Variants in SPAG16 observed in about 807,000 individuals in gnomAD.
SPAG16 encodes the protein sperm-associated antigen 16 protein.
In SPAG16, 86 loss-of-function variants were observed where a neutral mutation model predicts 80.4. The observed-to-expected ratio is 1.07, with a 90% confidence interval of 0.90 to 1.28. The LOEUF (loss-of-function observed/expected upper bound fraction) is 1.28, where lower values mean the gene tolerates loss of function less well. SPAG16 is among the 50% of genes most tolerant of loss of function. The probability of loss-of-function intolerance (pLI) is 0.00; values close to 1 mark genes in which losing one functional copy is unlikely to be tolerated. For missense variants in SPAG16, 870 were observed against 765.3 expected, an observed-to-expected ratio of 1.14 and a Z score of -1.61; for synonymous variants, 294 against 265.9, an observed-to-expected ratio of 1.11 and a Z score of -1.03.
At chr2:213,429,794 C>G (rs763975940) in intron 9 of SPAG16, among the ~76,000 whole-genome samples, 3 of 152,126 alleles carry the variant, frequency 2.0e-5, no homozygotes, top group Admixed American at 6.6e-5. Flanking sequence ...CCAAATGGCT[C>G]TACTCAGTAT....
chr2:213,351,066 C>T lies in SPAG16; in HGVS notation c.762+421C>T, dbSNP rs142706755. Among the ~76,000 whole-genome samples the T allele has an allele frequency of 5.5e-4, 84 of 152,140 alleles. 2 individuals carry two copies. In the East Asian group the frequency reaches 0.013, roughly 23 times the overall value. On this transcript the variant is annotated intron_variant, in intron 7 of 15. Transcript: ENST00000331683. Reference sequence around the variant, plus strand: ...CTGAGGCATGAGAATCATTTGAACCCGGGAGTGGAGGTTGCAGTGAGCCGA... The same window carrying T: ...CTGAGGCATGAGAATCATTTGAACCTGGGAGTGGAGGTTGCAGTGAGCCGA...
chr2:213,762,945 A>G (rs747253518), intron 10 of SPAG16, among the ~76,000 whole-genome samples: 1 of 152,206 alleles, frequency 6.6e-6, no homozygotes, highest in Non-Finnish European at 1.5e-5. Context: ...AGTTAAAAAA[A>G]CCAAATAACC....
At chr2:213,464,516 C>A (rs1470316940) in intron 9 of SPAG16, among the ~76,000 whole-genome samples, 1 of 152,126 alleles carries the variant, frequency 6.6e-6, no homozygotes, top group Non-Finnish European at 1.5e-5. Flanking sequence ...ACTTCTATCA[C>A]CTCAGAGACT....
At chr2:213,965,604 C>G (rs1022517647) in intron 12 of SPAG16, among the ~76,000 whole-genome samples, 3 of 152,206 alleles carry the variant, frequency 2.0e-5, no homozygotes, top group African/African-American at 7.2e-5. Context: ...TTGATTCTCT[C>G]TGTTAAGCGT....
chr2:213,780,449 A>T (rs1005368096), intron 10 of SPAG16, among the ~76,000 whole-genome samples: 3 of 150,958 alleles, frequency 2.0e-5, no homozygotes, highest in African/African-American at 7.3e-5. Context: ...TTTTTCTCTT[A>T]TTATTCCTAT....
chr2:214,351,989 C>T (rs558922156), intron 15 of SPAG16, among the ~76,000 whole-genome samples: 2 of 152,232 alleles, frequency 1.3e-5, no homozygotes, highest in African/African-American at 4.8e-5. Flanking sequence ...AAAATGCCAA[C>T]AGATTTGGTG....
intron 10 of SPAG16, among the ~76,000 whole-genome samples, chr2:213,560,634 A>C (rs988299401): frequency 6.6e-6 from 1 of 152,142 alleles, no homozygotes; most frequent in African/African-American, 2.4e-5. Flanking sequence ...CTGGTGATAT[A>C]AGTTGTATGT....
intron 10 of SPAG16, among the ~76,000 whole-genome samples, chr2:213,698,181 GTTC>G (rs1291459238): frequency 1.3e-5 from 2 of 151,888 alleles, no homozygotes; most frequent in Non-Finnish European, 2.9e-5. Flanking sequence ...CTCTCTGACC[GTTC>G]TTCTTTATTC....
intron 11 of SPAG16, among the ~76,000 whole-genome samples, chr2:213,901,745 T>C (rs1056449547): frequency 1.3e-4 from 20 of 152,130 alleles, no homozygotes; most frequent in African/African-American, 4.8e-4. Context: ...TATTGGAAGA[T>C]ACATACCCAA....
intron 10 of SPAG16, among the ~76,000 whole-genome samples, chr2:213,572,870 C>G (rs1247836819): frequency 3.3e-5 from 5 of 152,208 alleles, no homozygotes; most frequent in Admixed American, 2.6e-4. Flanking sequence ...TCTCAGACTG[C>G]TGTGCTAGCA....
intron 15 of SPAG16, among the ~76,000 whole-genome samples, chr2:214,172,203 T>C (rs1399855067): frequency 6.6e-6 from 1 of 151,964 alleles, no homozygotes; most frequent in East Asian, 1.9e-4. Flanking sequence ...CATTAACTCG[T>C]CATTTAGCAT....
chr2:213,391,165 G>C (rs1485876356), intron 9 of SPAG16, among the ~76,000 whole-genome samples: 2 of 152,156 alleles, frequency 1.3e-5, no homozygotes, highest in African/African-American at 4.8e-5. Flanking sequence ...CTACTTGGGA[G>C]GCTGAGGCAG....
At chr2:213,628,959 C>A (rs575283957) in intron 10 of SPAG16, among the ~76,000 whole-genome samples, 70 of 152,128 alleles carry the variant, frequency 4.6e-4, no homozygotes, top group African/African-American at 1.5e-3. Flanking sequence ...AGCACTGAAC[C>A]TACCCTCAAA....
intron 15 of SPAG16, among the ~76,000 whole-genome samples, chr2:214,293,600 A>T (rs1054138717): frequency 3.9e-5 from 6 of 152,184 alleles, no homozygotes; most frequent in Admixed American, 1.3e-4. Context: ...TCAGGTTGGG[A>T]CAGCAGTGGC....
chr2:214,195,635 C>G (rs1410305974), intron 15 of SPAG16, among the ~76,000 whole-genome samples: 1 of 151,972 alleles, frequency 6.6e-6, no homozygotes, highest in African/African-American at 2.4e-5. Flanking sequence ...CCTTGGCTTT[C>G]TGGCTTGATC....
chr2:214,374,683 C>G (rs1346477476), intron 15 of SPAG16, among the ~76,000 whole-genome samples: 1 of 152,112 alleles, frequency 6.6e-6, no homozygotes, highest in Non-Finnish European at 1.5e-5. Context: ...TCAGGGATCC[C>G]AAACAGAGCT....
Position 213,880,821 on chromosome 2 carries a change from A to G in SPAG16, c.1214+18193A>G, listed in dbSNP as rs546947247. Among the ~76,000 whole-genome samples the G allele has an allele frequency of 8.5e-5, 13 of 152,094 alleles. No individual in the cohort carries two copies. In the South Asian group the frequency reaches 2.7e-3, roughly 32 times the overall value. On this transcript the variant is annotated intron_variant, in intron 11 of 15. Coordinates refer to ENST00000331683, the MANE Select transcript of SPAG16 (RefSeq NM_024532.5). Reference sequence around the variant, plus strand: ...CTTTATTTCTGGGTTCTCTATTTTGATGCATTAGTCTATGTCTCTTTTTGT... The same window carrying G: ...CTTTATTTCTGGGTTCTCTATTTTGGTGCATTAGTCTATGTCTCTTTTTGT...
chr2:213,479,529 A>G (rs1234874063), intron 9 of SPAG16, among the ~76,000 whole-genome samples: 3 of 152,102 alleles, frequency 2.0e-5, no homozygotes, highest in Non-Finnish European at 4.4e-5. Flanking sequence ...AATTAGGACT[A>G]TCAATAAATA....
intron 10 of SPAG16, among the ~76,000 whole-genome samples, chr2:213,541,027 T>G (rs1216303769): frequency 2.0e-5 from 3 of 152,388 alleles, no homozygotes; most frequent in East Asian, 3.9e-4. Context: ...GGGGCTTTCC[T>G]CTGCATGGTT....
Sources: allele counts gnomAD v4.1 joint callset (sites outside exome capture counted in the v4.1 genomes callset), GRCh38; gene constraint gnomAD v4.1.1; transcripts MANE v1.5; gene names NCBI Gene and HGNC (gene_info 2026-07-23, HGNC 2026-07-21).